MAP2K5: variants seen among roughly 807,000 people sequenced by gnomAD.
The protein encoded by MAP2K5 is mitogen-activated protein kinase kinase 5.
Under a neutral mutation model 83.1 loss-of-function variants are expected in MAP2K5, and 49 were observed. The ratio of observed to expected loss-of-function variants is 0.59; its 90% CI spans 0.47 to 0.75. MAP2K5 has a LOEUF of 0.75. Ranked by LOEUF, MAP2K5 falls within the 30% of genes least tolerant of loss-of-function variation. The probability of loss-of-function intolerance (pLI) is 0.00; values close to 1 mark genes in which losing one functional copy is unlikely to be tolerated. For missense variants in MAP2K5, 457 were observed against 557.5 expected, an observed-to-expected ratio of 0.82 and a Z score of 1.82; for synonymous variants, 202 against 191.8, an observed-to-expected ratio of 1.05 and a Z score of -0.44.
chr15:67,787,308 A>G (rs1455583712), intron 21 of MAP2K5, among the ~76,000 whole-genome samples: 1 of 152,250 alleles, frequency 6.6e-6, no homozygotes, highest in Non-Finnish European at 1.5e-5. Context: ...GTTTGGCAGC[A>G]TGTCACTTGT....
In MAP2K5 at chr15:67,572,707, T is replaced by TTA. The variant is rs202017530; in HGVS notation, c.253-8046_253-8045insAT. Among the ~76,000 whole-genome samples the TTA allele has an allele frequency of 9.9e-5, 9 of 90,730 alleles. No individual in the cohort carries two copies. Among genetic ancestry groups the TTA allele is most frequent in the East Asian group, 6.2e-4 (1 of 1,616 alleles). The allele number at this position is 90,730 out of a possible 152,430, so 59.5% of individuals were successfully genotyped here. On this transcript the variant is annotated intron_variant, in intron 3 of 21. Coordinates refer to ENST00000178640, the MANE Select transcript of MAP2K5 (RefSeq NM_145160.3). This position sits in a 1 kb window ranked among gnomAD's most constrained non-coding sequence, Gnocchi z 4.2. ...GCAAGAATTGATATTATTATTATTA[T>TTA]TTTTTTTTTTGAGATGGAGTCTTGC...
At chr15:67,664,978 C>T (rs1426207930) in intron 13 of MAP2K5, among the ~76,000 whole-genome samples, 1 of 152,170 alleles carries the variant, frequency 6.6e-6, no homozygotes, top group African/African-American at 2.4e-5. Flanking sequence ...ATCCTTCCTT[C>T]TATTAACATT....
In MAP2K5 at chr15:67,770,563, C is replaced by T. The variant is rs1263725723; in HGVS notation, c.1196+900C>T. 6.6e-6 allele frequency among the ~76,000 whole-genome samples: 1 copy of T among 152,182 alleles called. No homozygotes were observed. Among genetic ancestry groups the T allele is most frequent in the Admixed American group, 6.5e-5 (1 of 15,282 alleles). On this transcript the variant is annotated intron_variant, in intron 20 of 21. Transcript: ENST00000178640. This position sits in a 1 kb window ranked among gnomAD's most constrained non-coding sequence, Gnocchi z 5.0. ...ACGTTGGTCTTCTTTCCCTCCTTCA[C>T]CAAAGTCCAGAGTCATGTCCACTGG...
intron 8 of MAP2K5, among the ~76,000 whole-genome samples, chr15:67,616,106 G>T (rs1180320066): frequency 6.6e-6 from 1 of 152,122 alleles, no homozygotes; most frequent in Non-Finnish European, 1.5e-5. Flanking sequence ...AAACTTCTAA[G>T]TTGAGGAAAG....
intron 8 of MAP2K5, among the ~76,000 whole-genome samples, chr15:67,612,559 T>C (rs1002627616): frequency 3.3e-5 from 5 of 152,178 alleles, no homozygotes; most frequent in Non-Finnish European, 7.3e-5. Flanking sequence ...TGTCCCTGGA[T>C]GGTATAAGAT....
chr15:67,687,302 G>A (rs1026714912), intron 13 of MAP2K5, among the ~76,000 whole-genome samples: 2 of 152,082 alleles, frequency 1.3e-5, no homozygotes, highest in Non-Finnish European at 2.9e-5. Flanking sequence ...AACACAAAAA[G>A]CTGTATTTTT....
rs2087348132 is a variant in MAP2K5, at chr15:67,665,242, A to ATTATT, written c.847+597_847+598insTTATT. Among the ~76,000 whole-genome samples the ATTATT allele has an allele frequency of 6.6e-6, 1 of 152,152 alleles. No individual in the cohort carries two copies. Among genetic ancestry groups the ATTATT allele is most frequent in the African/African-American group, 2.4e-5 (1 of 41,428 alleles). Reference sequence around the variant, plus strand: ...TCAGGAATAGTCCCCTTGTCTAGTAACAGAACACATGAGAGAATAATCAGA... The same window carrying ATTATT: ...TCAGGAATAGTCCCCTTGTCTAGTAATTATTCAGAACACATGAGAGAATAATCAGA... On this transcript the variant is annotated intron_variant, in intron 13 of 21. Coordinates refer to ENST00000178640, the MANE Select transcript of MAP2K5 (RefSeq NM_145160.3). This position sits in a 1 kb window ranked among gnomAD's most constrained non-coding sequence, Gnocchi z 4.2.
intron 21 of MAP2K5, among the ~76,000 whole-genome samples, chr15:67,805,546 C>T (rs1224228553): frequency 1.3e-5 from 2 of 152,206 alleles, no homozygotes; most frequent in Non-Finnish European, 2.9e-5. Context: ...AAAGCCCAGC[C>T]TGTGCAGGTG....
rs890639534 is a variant in MAP2K5 at position 67,784,285 on chromosome 15, G to A, written c.1242+11533G>A. The stretch of plus-strand genomic sequence containing the variant: ...ACTGCACAACATCAAAGCTACACCC[G>A]TTGTTGCATAGTAGGCAGAGGATTG... On this transcript the variant is annotated intron_variant, in intron 21 of 21. Coordinates refer to ENST00000178640, the MANE Select transcript of MAP2K5 (RefSeq NM_145160.3). 5.9e-5 allele frequency among the ~76,000 whole-genome samples: 9 copies of A among 152,202 alleles called. No homozygotes were observed. In the East Asian group the frequency reaches 7.7e-4, roughly 13 times the overall value.
chr15:67,549,039 T>G, intron 1 of MAP2K5: 1 of 1,488,532 alleles, frequency 6.7e-7, no homozygotes, highest in Non-Finnish European at 8.9e-7. Flanking sequence ...TTGGAAAGGC[T>G]GTGGGCTCCC....
chr15:67,787,089 TGTTG>T (rs1214005238), intron 21 of MAP2K5, among the ~76,000 whole-genome samples: 1 of 152,120 alleles, frequency 6.6e-6, no homozygotes, highest in African/African-American at 2.4e-5. Flanking sequence ...TGGACGCACT[TGTTG>T]GTTCTTAAGC....
intron 8 of MAP2K5, among the ~76,000 whole-genome samples, chr15:67,608,963 G>T (rs577566815): frequency 4.7e-4 from 72 of 152,308 alleles, no homozygotes; most frequent in South Asian, 1.2e-3. Context: ...GAATTTACCT[G>T]CAGAGGCAGA....
chr15:67,735,298 C>A (rs62015164), intron 17 of MAP2K5, among the ~76,000 whole-genome samples: 16,308 of 152,162 alleles, frequency 0.11, 970 homozygotes, highest in Admixed American at 0.11. Flanking sequence ...ATGTGAAATT[C>A]TTCATTAAAG....
At chr15:67,694,237 C>G (rs1269482948) in intron 15 of MAP2K5, among the ~76,000 whole-genome samples, 2 of 151,724 alleles carry the variant, frequency 1.3e-5, no homozygotes, top group Non-Finnish European at 2.9e-5. Context: ...TCATAATCAC[C>G]TTGAGAGTCA....
At chr15:67,716,527 G>C (rs1036192148) in intron 16 of MAP2K5, among the ~76,000 whole-genome samples, 1 of 152,144 alleles carries the variant, frequency 6.6e-6, no homozygotes, top group African/African-American at 2.4e-5. Flanking sequence ...ATATCCAGTG[G>C]TAAAAACCAC....
chr15:67,793,493 CT>C lies in MAP2K5; in HGVS notation c.1243-13151del, dbSNP rs771630442. On this transcript the variant is annotated intron_variant, in intron 21 of 21. Coordinates refer to ENST00000178640, the MANE Select transcript of MAP2K5 (RefSeq NM_145160.3). This position sits in a 1 kb window ranked among gnomAD's most constrained non-coding sequence, Gnocchi z 4.6. ...GTTCCTCCCTTTAACACACCTTCGT[CT>C]TCTCCTTCTATTTGGCTGTTTCTCT... Among the ~76,000 whole-genome samples, 28 of 152,282 alleles carry C rather than the reference CT, an allele frequency of 1.8e-4. No homozygotes were observed. The highest frequency in any genetic ancestry group is 3.4e-3 in the Middle Eastern group (1 of 294).
rs913706112 is a variant in MAP2K5 at position 67,758,682 on chromosome 15, A to G, written c.1134+10081A>G. 3.3e-5 allele frequency among the ~76,000 whole-genome samples: 5 copies of G among 152,172 alleles called. No homozygotes were observed. Among genetic ancestry groups the G allele is most frequent in the African/African-American group, 1.2e-4 (5 of 41,424 alleles). On this transcript the variant is annotated intron_variant, in intron 19 of 21. Transcript: ENST00000178640. The surrounding 1 kb of genome is among the most constrained non-coding windows in gnomAD (Gnocchi z 4.7). ...ATATATGATGAGGAGATACTTAGCT[A>G]ATAGATATGGTTCTCTACCAGAATT...
At chr15:67,692,407 T>C (rs532502481) in intron 13 of MAP2K5, 72 bp from the exon 14 acceptor site, 2 of 984,794 alleles carry the variant, frequency 2.0e-6, no homozygotes, top group Admixed American at 3.5e-5. Flanking sequence ...GTGGTGTGCA[T>C]GTGTGCTTTT....
rs929393828 is a variant in MAP2K5 at position 67,750,385 on chromosome 15, A to G, written c.1134+1784A>G. Reference sequence around the variant, plus strand: ...TCTGCAATAAAAGTATTAGGAAAGGATTGGCCAGATGACCTGCCTTAGACA... The same window carrying G: ...TCTGCAATAAAAGTATTAGGAAAGGGTTGGCCAGATGACCTGCCTTAGACA... On this transcript the variant is annotated intron_variant, in intron 19 of 21. Coordinates refer to ENST00000178640, the MANE Select transcript of MAP2K5 (RefSeq NM_145160.3). This position sits in a 1 kb window ranked among gnomAD's most constrained non-coding sequence, Gnocchi z 4.2. Among the ~76,000 whole-genome samples, 5 of 152,224 alleles carry G rather than the reference A, an allele frequency of 3.3e-5. No individual in the cohort carries two copies. The highest frequency in any genetic ancestry group is 1.2e-4 in the African/African-American group (5 of 41,454).
Sources: gnomAD v4.1 joint callset for allele counts (sites outside exome capture counted in the v4.1 genomes callset) on GRCh38, gnomAD v4.1.1 for gene constraint, Gnocchi (gnomAD v3.1) non-coding constraint, MANE v1.5 for transcripts, NCBI Gene and HGNC (gene_info 2026-07-23, HGNC 2026-07-21) for gene names.